SGCD: variants seen among roughly 807,000 people sequenced by gnomAD.
SGCD encodes delta-sarcoglycan.
A neutral mutation model predicts 36.6 loss-of-function variants in SGCD; 18 were observed. That is an observed-to-expected ratio of 0.49 (90% CI 0.34 to 0.73). SGCD has a LOEUF of 0.73. SGCD is among the 30% of genes least tolerant of loss of function. The pLI, the probability that SGCD is intolerant of heterozygous loss-of-function variation, is 0.01. For synonymous variants in SGCD, 133 were observed against 130.6 expected, an observed-to-expected ratio of 1.02 and a Z score of -0.12; for missense variants, 387 against 346.7, an observed-to-expected ratio of 1.12 and a Z score of -0.92.
chr5:156,318,647 G>A (rs1227903341), intron 3 of SGCD, among the ~76,000 whole-genome samples: 1 of 150,434 alleles, frequency 6.6e-6, no homozygotes, highest in African/African-American at 2.5e-5. Flanking sequence ...GCTGGATGGA[G>A]TGAAGTGGAG....
chr5:156,138,674 T>C (rs994329909), intron 3 of SGCD, among the ~76,000 whole-genome samples: 70 of 152,354 alleles, frequency 4.6e-4, no homozygotes, highest in Non-Finnish European at 2.4e-4. Flanking sequence ...CATGTCTTTG[T>C]GTAGACATAA....
At chr5:156,176,155 G>A (rs1281476436) in intron 3 of SGCD, among the ~76,000 whole-genome samples, 1 of 152,002 alleles carries the variant, frequency 6.6e-6, no homozygotes, top group African/African-American at 2.4e-5. Flanking sequence ...GTGTGTGTTT[G>A]TGTGCGTGTG....
chr5:156,412,346 C>A (rs1036903644), intron 3 of SGCD, among the ~76,000 whole-genome samples: 7 of 152,152 alleles, frequency 4.6e-5, no homozygotes, highest in Admixed American at 1.3e-4. Context: ...TAAAAAGCTG[C>A]AGTTGTATTT....
At chr5:155,988,026 G>C (rs1021359857) in intron 1 of SGCD, among the ~76,000 whole-genome samples, 28 of 152,188 alleles carry the variant, frequency 1.8e-4, no homozygotes, top group African/African-American at 6.8e-4. Context: ...CCACATTGCA[G>C]ATGAAGAGAC....
At chr5:155,978,484 G>C (rs1758165371) in intron 1 of SGCD, among the ~76,000 whole-genome samples, 1 of 152,236 alleles carries the variant, frequency 6.6e-6, no homozygotes. Flanking sequence ...TGGCAACTGT[G>C]TCAATGGATT....
intron 6 of SGCD, among the ~76,000 whole-genome samples, chr5:156,614,966 C>A (rs531984708): frequency 4.6e-5 from 7 of 152,246 alleles, no homozygotes; most frequent in African/African-American, 1.4e-4. Context: ...TTTGCCACCC[C>A]CGGTTTTTCC....
the SGCD span, among the ~76,000 whole-genome samples, chr5:155,786,509 A>T: frequency 1.3e-5 from 2 of 152,174 alleles, no homozygotes; most frequent in African/African-American, 4.8e-5. Flanking sequence ...AGCTTAAATT[A>T]AAAAAAAGTT....
chr5:156,134,089 C>A (rs1315235053), intron 3 of SGCD, among the ~76,000 whole-genome samples: 1 of 152,176 alleles, frequency 6.6e-6, no homozygotes, highest in Non-Finnish European at 1.5e-5. Flanking sequence ...AAATTCACAT[C>A]TTACAGAAAG....
At chr5:156,369,873 G>C (rs1244241951) in intron 3 of SGCD, among the ~76,000 whole-genome samples, 1 of 152,156 alleles carries the variant, frequency 6.6e-6, no homozygotes, top group Non-Finnish European at 1.5e-5. Context: ...GTTTAAAATG[G>C]AAATAGAAAA....
chr5:156,425,559 T>A (rs139437299), intron 3 of SGCD, among the ~76,000 whole-genome samples: 4 of 149,206 alleles, frequency 2.7e-5, no homozygotes, highest in African/African-American at 1.0e-4. Flanking sequence ...GGATGACGGG[T>A]TTTTTTTATT....
chr5:156,411,681 G>A (rs192938924), intron 3 of SGCD, among the ~76,000 whole-genome samples: 6 of 152,174 alleles, frequency 3.9e-5, no homozygotes, highest in Non-Finnish European at 7.3e-5. Context: ...CACTAGCATG[G>A]TACCTGGCAC....
At chr5:156,003,886 G>T in intron 1 of SGCD, among the ~76,000 whole-genome samples, 1 of 152,156 alleles carries the variant, frequency 6.6e-6, no homozygotes, top group East Asian at 1.9e-4. Flanking sequence ...GCATATTAAA[G>T]ATGTTTTGAT....
intron 1 of SGCD, among the ~76,000 whole-genome samples, chr5:156,005,651 C>G (rs1294481532): frequency 6.6e-6 from 1 of 152,156 alleles, no homozygotes; most frequent in Non-Finnish European, 1.5e-5. Context: ...GGGGTTTCAC[C>G]GTGTTAGCCA....
Position 156,154,593 on chromosome 5 carries a change from C to T in SGCD, c.-44+30574C>T, listed in dbSNP as rs991500273. Among the ~76,000 whole-genome samples the T allele has an allele frequency of 2.0e-5, 3 of 151,528 alleles. 1 individual carries two copies. Among genetic ancestry groups the T allele is most frequent in the African/African-American group, 7.3e-5 (3 of 40,856 alleles). On this transcript the variant is annotated intron_variant, in intron 3 of 9. Transcript: ENST00000517913. ...GCCCTTACTGAACATTTACTATGTG[C>T]TAGGTACTGCACTTAGTGCTTTATT...
chr5:156,401,237 A>G (rs73812232), intron 3 of SGCD, among the ~76,000 whole-genome samples: 1,535 of 152,338 alleles, frequency 0.01, 34 homozygotes, highest in African/African-American at 0.035. Flanking sequence ...TATGAAAAGC[A>G]AAGAATATGT....
intron 1 of SGCD, among the ~76,000 whole-genome samples, chr5:155,937,746 C>CCTA (rs562378737): frequency 2.1e-3 from 321 of 152,286 alleles, no homozygotes; most frequent in Admixed American, 2.5e-3. Flanking sequence ...AAGCAACAAA[C>CCTA]CTATGTCTGA....
At chr5:156,456,823 A>G (rs1464914580) in intron 3 of SGCD, among the ~76,000 whole-genome samples, 1 of 152,222 alleles carries the variant, frequency 6.6e-6, no homozygotes, top group African/African-American at 2.4e-5. Flanking sequence ...TTAAGAATCT[A>G]ATACACTTGG....
At chr5:156,404,326 T>C (rs950950503) in intron 3 of SGCD, among the ~76,000 whole-genome samples, 4 of 152,216 alleles carry the variant, frequency 2.6e-5, no homozygotes, top group Admixed American at 2.6e-4. Context: ...CAGGGAAATG[T>C]CAGTCTCACA....
At chr5:156,525,093 TG>T (rs1757588889) in intron 4 of SGCD, among the ~76,000 whole-genome samples, 1 of 152,110 alleles carries the variant, frequency 6.6e-6, no homozygotes, top group Non-Finnish European at 1.5e-5. Context: ...TACCCAGAAG[TG>T]GGATGGCTGT....
Sources: allele counts gnomAD v4.1 joint callset (sites outside exome capture counted in the v4.1 genomes callset), GRCh38; gene constraint gnomAD v4.1.1; transcripts MANE v1.5; gene names NCBI Gene and HGNC (gene_info 2026-07-23, HGNC 2026-07-21).